Variants in FAXC observed in about 807,000 individuals in gnomAD.
FAXC encodes the protein failed axon connections homolog.
In FAXC, 10 loss-of-function variants were observed where a neutral mutation model predicts 41.9. That is an observed-to-expected ratio of 0.24 (90% CI 0.15 to 0.41). FAXC has a LOEUF of 0.41. FAXC is among the 10% of genes least tolerant of loss of function. FAXC has a pLI of 1.00. For missense variants in FAXC, 399 were observed against 510.9 expected (o/e 0.78, Z 2.11); for synonymous variants, 183 against 183.8 (o/e 1.00, Z 0.03).
At chr6:99,328,306 A>G (rs1165266099) in intron 3 of FAXC, among the ~76,000 whole-genome samples, 1 of 152,232 alleles carries the variant, frequency 6.6e-6, no homozygotes, top group African/African-American at 2.4e-5. Flanking sequence ...TCATAAGGGC[A>G]GAGCCCTCAT....
chr6:99,275,243 C>T lies in FAXC; in HGVS notation c.*5921G>A, dbSNP rs1010273443. The T allele has an allele frequency of 2.0e-5, 3 of 152,084 alleles. No homozygotes were observed. Among genetic ancestry groups the T allele is most frequent in the Non-Finnish European group, 4.4e-5 (3 of 68,012 alleles). 9.4% of individuals were successfully genotyped at this position (152,084 alleles called of 1,614,324 possible). On this transcript the variant is annotated 3_prime_UTR_variant, in exon 6 of 6. Coordinates refer to ENST00000389677, the MANE Select transcript of FAXC (RefSeq NM_032511.4). ...TTTATAAAGTTAACTGATTATGATA[C>T]ACATATATTGCTTTATGGTTAGTGG... is the stretch of plus-strand genomic sequence containing the variant.
chr6:99,326,460 C>T (rs1202798082), intron 3 of FAXC, among the ~76,000 whole-genome samples: 1 of 151,970 alleles, frequency 6.6e-6, no homozygotes, highest in Non-Finnish European at 1.5e-5. Flanking sequence ...CTAGATTGTA[C>T]AAGGTAGAAT....
chr6:99,349,460 C>A lies in FAXC; in HGVS notation c.-88G>T. The stretch of plus-strand genomic sequence containing the variant: ...GCGCGGCCCGGCGCGGGCTCAGAGG[C>A]GCGCGGAGGGCGCGGGCGGCGCGGG... On this transcript the variant is annotated 5_prime_UTR_variant, in exon 1 of 6. Coordinates refer to ENST00000389677, the MANE Select transcript of FAXC (RefSeq NM_032511.4). 3 of 1,003,044 alleles carry A rather than the reference C, an allele frequency of 3.0e-6. No individual in the cohort carries two copies. The highest frequency in any genetic ancestry group is 3.6e-6 in the Non-Finnish European group (3 of 837,196). 62.1% of individuals were successfully genotyped at this position (1,003,044 alleles called of 1,614,324 possible). A position where few individuals can be genotyped will look rare whatever the true frequency, so the allele number is the denominator to read the frequency against.
chr6:99,334,379 G>T (rs990100958), intron 2 of FAXC, among the ~76,000 whole-genome samples: 7 of 152,162 alleles, frequency 4.6e-5, no homozygotes, highest in Non-Finnish European at 1.0e-4. Flanking sequence ...TCCTCTGGGT[G>T]GAAATGGTCC....
intron 4 of FAXC, among the ~76,000 whole-genome samples, chr6:99,292,630 G>A (rs960308766): frequency 1.3e-5 from 2 of 152,240 alleles, no homozygotes; most frequent in Non-Finnish European, 2.9e-5. Flanking sequence ...TTCACTGTGG[G>A]AATCTGATCA....
intron 1 of FAXC, among the ~76,000 whole-genome samples, chr6:99,347,367 AC>A (rs1186705828): frequency 6.6e-6 from 1 of 150,874 alleles, no homozygotes; most frequent in East Asian, 2.0e-4. Context: ...GAGCCACTGC[AC>A]TCCAACATGG....
At chr6:99,315,793 C>T (rs554945053) in intron 4 of FAXC, among the ~76,000 whole-genome samples, 1 of 152,340 alleles carries the variant, frequency 6.6e-6, no homozygotes, top group South Asian at 2.1e-4. Context: ...AGCATTCTGA[C>T]ATTCATTCAT....
intron 4 of FAXC, among the ~76,000 whole-genome samples, chr6:99,317,559 A>G (rs1772410376): frequency 6.6e-6 from 1 of 152,208 alleles, no homozygotes; most frequent in African/African-American, 2.4e-5. Flanking sequence ...GTCAGAAAAC[A>G]GCAGGGGCCT....
At chr6:99,287,726 G>T (rs560282404) in intron 5 of FAXC, among the ~76,000 whole-genome samples, 2 of 152,286 alleles carry the variant, frequency 1.3e-5, no homozygotes, top group Admixed American at 6.5e-5. Context: ...CAGGCTACTT[G>T]TTTCTACTTA....
chr6:99,343,940 C>T (rs751145018), intron 1 of FAXC, among the ~76,000 whole-genome samples: 42 of 152,186 alleles, frequency 2.8e-4, no homozygotes, highest in Non-Finnish European at 5.4e-4. Flanking sequence ...ACACATCCAT[C>T]TTTTCCTTTG....
Position 99,273,368 on chromosome 6 carries a change from T to C in FAXC, c.*7796A>G, listed in dbSNP as rs1019187215. 2.0e-5 allele frequency: 3 copies of C among 152,000 alleles called. No individual in the cohort carries two copies. The highest frequency in any genetic ancestry group is 7.3e-5 in the African/African-American group (3 of 41,368). The allele number at this position is 152,000 out of a possible 1,614,324, so 9.4% of individuals were successfully genotyped here. ...AAAAGACATGTAATCAGTGAGATGA[T>C]GAATTATCAGGCATTATCAAAACAT... On this transcript the variant is annotated 3_prime_UTR_variant, in exon 6 of 6. Coordinates refer to ENST00000389677, the MANE Select transcript of FAXC (RefSeq NM_032511.4).
At chr6:99,292,818 CT>C (rs1039644869) in intron 4 of FAXC, among the ~76,000 whole-genome samples, 8 of 152,062 alleles carry the variant, frequency 5.3e-5, no homozygotes, top group African/African-American at 9.6e-5. Context: ...CTTCCTAAGA[CT>C]TTTTTTTGAG....
At chr6:99,300,688 C>A (rs1771670762) in intron 4 of FAXC, among the ~76,000 whole-genome samples, 1 of 152,204 alleles carries the variant, frequency 6.6e-6, no homozygotes, top group Non-Finnish European at 1.5e-5. Context: ...AAACTGCATT[C>A]CAGGACAGGC....
intron 4 of FAXC, among the ~76,000 whole-genome samples, chr6:99,322,766 C>T (rs1022302397): frequency 8.5e-5 from 13 of 152,202 alleles, no homozygotes; most frequent in South Asian, 2.1e-4. Context: ...CCCCCTCAAC[C>T]GGTCAGGGGA....
upstream of FAXC, chr6:99,349,697 G>A (rs1432351221): frequency 6.6e-6 from 1 of 151,928 alleles, no homozygotes; most frequent in Non-Finnish European, 1.5e-5. Context: ...TGCTCCCCGG[G>A]GCAGGGAAAC....
intron 4 of FAXC, among the ~76,000 whole-genome samples, chr6:99,302,316 T>C (rs751851929): frequency 2.0e-5 from 3 of 152,224 alleles, no homozygotes; most frequent in Non-Finnish European, 4.4e-5. Flanking sequence ...CATTTTGTTA[T>C]TGAATGTTGG....
intron 2 of FAXC, among the ~76,000 whole-genome samples, chr6:99,338,991 T>G (rs1443108113): frequency 2.0e-5 from 3 of 152,196 alleles, no homozygotes; most frequent in Non-Finnish European, 4.4e-5. Flanking sequence ...CCAGAGGCCC[T>G]GCATTATAGC....
At chr6:99,297,695 C>T (rs76467428) in intron 4 of FAXC, among the ~76,000 whole-genome samples, 9,849 of 152,102 alleles carry the variant, frequency 0.065, 454 homozygotes, top group African/African-American at 0.12. Context: ...CAGGACAAAC[C>T]GAGCTCTACC....
chr6:99,282,476 G>A (rs946043773), intron 5 of FAXC, among the ~76,000 whole-genome samples: 1 of 152,052 alleles, frequency 6.6e-6, no homozygotes, highest in Non-Finnish European at 1.5e-5. Context: ...ATTGAACAGC[G>A]GTACTCAGGA....
Sources: gnomAD v4.1 joint callset for allele counts (sites outside exome capture counted in the v4.1 genomes callset) on GRCh38, gnomAD v4.1.1 for gene constraint, MANE v1.5 for transcripts, NCBI Gene and HGNC (gene_info 2026-07-23, HGNC 2026-07-21) for gene names.